Variants in MBP observed in about 807,000 individuals in gnomAD.
MBP encodes myelin basic protein, also known as Golli-MBP.
In MBP, 16 loss-of-function variants were observed where a neutral mutation model predicts 35.8. The ratio of observed to expected loss-of-function variants is 0.45; its 90% CI spans 0.30 to 0.68. The LOEUF is 0.68. MBP is among the 30% of genes least tolerant of loss of function. The pLI is 0.08. For missense variants in MBP, 380 were observed against 404.7 expected (o/e 0.94, Z 0.52); for synonymous variants, 143 against 159.6 (o/e 0.90, Z 0.78).
At chr18:77,014,168 C>T in intron 4 of MBP, 1 of 985,448 alleles carries the variant, frequency 1.0e-6, no homozygotes, top group South Asian at 4.7e-5. Context: ...TATGCCTTCT[C>T]AAGGAATTTT....
In MBP at chr18:77,058,756, C is replaced by T. The variant is rs1973845300; in HGVS notation, c.139+7542G>A. Among the ~76,000 whole-genome samples, 6 of 152,244 alleles carry T rather than the reference C, an allele frequency of 3.9e-5. No individual in the cohort carries two copies. The South Asian group carries it at 1.2e-3, about 31-fold the overall frequency. The stretch of plus-strand genomic sequence containing the variant: ...TGGAGGGAGGAAAGTCGCAGGGGAC[C>T]TGGAGGCCCTGGAGATGGGGGCTCC... On this transcript the variant is annotated intron_variant, in intron 3 of 8. Transcript: ENST00000355994.
chr18:77,027,530 G>A (rs546817822), intron 3 of MBP, among the ~76,000 whole-genome samples: 17 of 152,166 alleles, frequency 1.1e-4, no homozygotes, highest in Admixed American at 9.2e-4. Context: ...CCCCGCCCTC[G>A]GCACACATTC....
chr18:77,108,231 T>G (rs923640583), intron 1 of MBP: 3 of 152,244 alleles, frequency 2.0e-5, no homozygotes, highest in Non-Finnish European at 4.4e-5. Flanking sequence ...TTCTGTAATG[T>G]GCTGAAAAGA....
chr18:77,009,869 C>T, intron 4 of MBP: 1 of 1,592,624 alleles, frequency 6.3e-7, no homozygotes, highest in Non-Finnish European at 8.5e-7. Context: ...TTGCACAGCC[C>T]AGGCTGGCTG....
intron 4 of MBP, among the ~76,000 whole-genome samples, chr18:77,007,117 G>A (rs903659680): frequency 6.6e-6 from 1 of 152,208 alleles, no homozygotes; most frequent in Non-Finnish European, 1.5e-5. Context: ...GACTTCAAGG[G>A]TCCTTTGTCA....
chr18:77,023,948 CCT>C (rs1972095419), intron 3 of MBP, among the ~76,000 whole-genome samples: 1 of 152,222 alleles, frequency 6.6e-6, no homozygotes. Context: ...TGGTGTGGGG[CCT>C]CCACAGATGT....
intron 2 of MBP, among the ~76,000 whole-genome samples, chr18:77,093,873 AC>A (rs1975643317): frequency 6.6e-6 from 1 of 152,210 alleles, no homozygotes; most frequent in African/African-American, 2.4e-5. Flanking sequence ...CCACACCAGT[AC>A]CATGCCTTAC....
intron 3 of MBP, among the ~76,000 whole-genome samples, chr18:77,060,251 T>A (rs1306830725): frequency 6.6e-6 from 1 of 152,102 alleles, no homozygotes; most frequent in Non-Finnish European, 1.5e-5. Flanking sequence ...AATAAATGAA[T>A]GGAGAAAGCA....
At chr18:77,030,475 G>A (rs1972502334) in intron 3 of MBP, among the ~76,000 whole-genome samples, 1 of 152,220 alleles carries the variant, frequency 6.6e-6, no homozygotes, top group South Asian at 2.1e-4. Flanking sequence ...ATTGGAGCAG[G>A]ACGGCCCTGT....
At position 76,988,188 on chromosome 18, in the gene MBP, G is replaced by T. The variant is rs1265716078; in HGVS notation, c.750+307C>A. The T allele has an allele frequency of 6.5e-7, 1 of 1,545,252 alleles. No individual in the cohort carries two copies. Among genetic ancestry groups the T allele is most frequent in the South Asian group, 1.2e-5 (1 of 83,330 alleles). ...GAAGTTAAACATTTTCTCGGACGTG[G>T]TGTTGCTCCCTCCCTGGGAGGGAGA... On this transcript the variant is annotated intron_variant, in intron 7 of 8. Transcript: ENST00000355994. The surrounding 1 kb of genome is among the most constrained non-coding windows in gnomAD (Gnocchi z 5.2).
At chr18:77,056,925 G>A (rs1055233040) in intron 3 of MBP, among the ~76,000 whole-genome samples, 1 of 152,068 alleles carries the variant, frequency 6.6e-6, no homozygotes, top group Non-Finnish European at 1.5e-5. Flanking sequence ...GAGGAGAACC[G>A]GCTTCCCACG....
chr18:77,066,265 T>C lies in MBP; in HGVS notation c.139+33A>G, dbSNP rs112007470. 66 of 1,540,752 alleles carry C rather than the reference T, an allele frequency of 4.3e-5. No individual in the cohort carries two copies. In the African/African-American group the frequency reaches 7.7e-4, roughly 18 times the overall value. On this transcript the variant is annotated intron_variant, in intron 3 of 8. Transcript: ENST00000355994. The stretch of plus-strand genomic sequence containing the variant: ...AGTGCAGGTGCACGCTGTCACCATG[T>C]GGCGCCATGTTGCCGATATCTGCGT...
At chr18:77,081,768 A>ATATATATG (rs1974917617) in intron 2 of MBP, among the ~76,000 whole-genome samples, 4 of 67,360 alleles carry the variant, frequency 5.9e-5, no homozygotes, top group South Asian at 1.1e-3. Context: ...ATATATATAT[A>ATATATATG]CACACACACA....
intron 3 of MBP, among the ~76,000 whole-genome samples, chr18:77,022,314 C>T (rs1391143491): frequency 2.0e-5 from 3 of 152,178 alleles, no homozygotes; most frequent in African/African-American, 7.2e-5. Context: ...ACTGTGCTGG[C>T]TGAGCCCTGT....
At chr18:77,035,663 G>C (rs554336322) in intron 3 of MBP, among the ~76,000 whole-genome samples, 15 of 152,248 alleles carry the variant, frequency 9.9e-5, no homozygotes, top group African/African-American at 1.4e-4. Flanking sequence ...CAGGTGAAGG[G>C]GGGGGGACCA....
chr18:77,120,268 T>C (rs547077365), intron 1 of MBP, among the ~76,000 whole-genome samples: 19 of 152,288 alleles, frequency 1.2e-4, no homozygotes, highest in African/African-American at 4.3e-4. Flanking sequence ...TAAAATCTGG[T>C]CAGCCCTCGC....
At position 77,116,866 on chromosome 18, in the gene MBP, CA is replaced by C. The variant is rs35523743; in HGVS notation, c.-25-11581del. ...TGGGAGACAGAGTGAGACTCTGTCT[CA>C]AAAAAAAAACAAAACAAACAAAGAA... On this transcript the variant is annotated intron_variant, in intron 1 of 8. Coordinates refer to ENST00000355994, the MANE Select transcript of MBP (RefSeq NM_001025101.2). 2.0e-4 allele frequency among the ~76,000 whole-genome samples: 29 copies of C among 144,440 alleles called. 1 individual carries two copies. In the East Asian group the frequency reaches 3.6e-3, roughly 18 times the overall value. The allele number at this position is 144,440 out of a possible 152,430, so 94.8% of individuals were successfully genotyped here. A position where few individuals can be genotyped will look rare whatever the true frequency, so the allele number is the denominator to read the frequency against.
At chr18:77,057,046 C>G (rs1415297129) in intron 3 of MBP, among the ~76,000 whole-genome samples, 1 of 125,270 alleles carries the variant, frequency 8.0e-6, no homozygotes, top group Non-Finnish European at 1.7e-5. Flanking sequence ...GGAGGCATGT[C>G]CCCCAAGAAC....
At chr18:77,043,302 G>A (rs563166751) in intron 3 of MBP, among the ~76,000 whole-genome samples, 3 of 152,236 alleles carry the variant, frequency 2.0e-5, no homozygotes, top group East Asian at 1.9e-4. Flanking sequence ...ATTATCATAC[G>A]TAGAAAGTCA....
Sources: gnomAD v4.1 joint callset for allele counts (sites outside exome capture counted in the v4.1 genomes callset) on GRCh38, gnomAD v4.1.1 for gene constraint, Gnocchi (gnomAD v3.1) non-coding constraint, MANE v1.5 for transcripts, NCBI Gene and HGNC (gene_info 2026-07-23, HGNC 2026-07-21) for gene names.